The following ERICH3 variants were observed in gnomAD, a reference collection of about 807,000 sequenced individuals.
ERICH3 encodes glutamate-rich protein 3.
In ERICH3, 126 loss-of-function variants were observed where a neutral mutation model predicts 131.1. That is an observed-to-expected ratio of 0.96 (90% confidence interval 0.83 to 1.11). ERICH3 has a LOEUF of 1.11. Ranked by LOEUF, ERICH3 falls within the 50% of genes most tolerant of loss-of-function variation. The pLI, the probability that ERICH3 is intolerant of heterozygous loss-of-function variation, is 0.00. For missense variants in ERICH3, 2,050 were observed against 1,810.7 expected (o/e 1.13, Z -2.40); for synonymous variants, 695 against 644.6 (o/e 1.08, Z -1.18).
At chr1:74,663,550 G>A (rs1344339641) in intron 1 of ERICH3, among the ~76,000 whole-genome samples, 1 of 149,794 alleles carries the variant, frequency 6.7e-6, no homozygotes, top group Non-Finnish European at 1.5e-5. Context: ...CATTGCTGCA[G>A]TTATGGTCCA....
rs545646275 is a variant in ERICH3 at position 74,573,025 on chromosome 1, C to G, written c.2685G>C (p.Gly895=). The G allele has an allele frequency of 6.9e-5, 111 of 1,614,152 alleles. No homozygotes were observed. The East Asian group carries it at 1.2e-3, about 18-fold the overall frequency. ...VLETDKAASE[G]EQGLEKAVLA... is the part of the protein sequence containing the mutation. The stretch of plus-strand genomic sequence containing the variant: ...GCACTGCCTTCTCTAAACCCTGTTC[C>G]CCTTCAGAAGCTGCTTTGTCTGTCT... The change falls in exon 14 of 15, where the codon GGG becomes GGC. Residue 895 remains glycine (G), a synonymous_variant. Transcript: ENST00000326665.
At chr1:74,574,755 C>T (rs1376463944) in intron 13 of ERICH3, among the ~76,000 whole-genome samples, 1 of 151,962 alleles carries the variant, frequency 6.6e-6, no homozygotes, top group African/African-American at 2.4e-5. Flanking sequence ...GATTTTTTTA[C>T]TATTAAATAA....
intron 1 of ERICH3, among the ~76,000 whole-genome samples, chr1:74,657,007 T>C (rs1338377828): frequency 6.6e-6 from 1 of 152,186 alleles, no homozygotes; most frequent in Non-Finnish European, 1.5e-5. Context: ...GTTGAGTAAG[T>C]GTACAAATCA....
chr1:74,610,538 T>C (rs958067961), intron 9 of ERICH3, among the ~76,000 whole-genome samples: 9 of 151,462 alleles, frequency 5.9e-5, no homozygotes, highest in Admixed American at 4.0e-4. Context: ...CTTTATGTCA[T>C]ACTTCATGTT....
At chr1:74,586,264 A>G in intron 12 of ERICH3, 1 of 462,652 alleles carries the variant, frequency 2.2e-6, no homozygotes, top group Non-Finnish European at 2.8e-6. Flanking sequence ...GTTAAGTGAA[A>G]AAAGCAAGTC....
At position 74,668,361 on chromosome 1, in the gene ERICH3, A is replaced by C. The variant is rs964222455; in HGVS notation, c.23+5136T>G. On this transcript the variant is annotated intron_variant, in intron 1 of 14. Coordinates refer to ENST00000326665, the MANE Select transcript of ERICH3 (RefSeq NM_001002912.5). ...ATTAGGTAGTGCTTTGAGCTTAGAA[A>C]AACATCTGAGAAACAGACAATTTGA... is the stretch of plus-strand genomic sequence containing the variant. Among the ~76,000 whole-genome samples the C allele has an allele frequency of 3.9e-5, 6 of 152,324 alleles. No homozygotes were observed. The South Asian group carries it at 8.3e-4, about 21-fold the overall frequency.
intron 6 of ERICH3, among the ~76,000 whole-genome samples, chr1:74,632,798 C>G (rs1341682280): frequency 1.3e-5 from 2 of 151,808 alleles, no homozygotes; most frequent in African/African-American, 4.8e-5. Flanking sequence ...ATAAGAATGA[C>G]TGAAAAAACT....
intron 12 of ERICH3, among the ~76,000 whole-genome samples, chr1:74,587,377 C>T (rs186032356): frequency 3.3e-5 from 5 of 150,976 alleles, no homozygotes; most frequent in East Asian, 1.9e-4. Context: ...AGTCCCAAAC[C>T]TTGCCATCTT....
intron 11 of ERICH3, chr1:74,592,165 C>A (rs908354198): frequency 6.6e-6 from 1 of 152,172 alleles, no homozygotes; most frequent in Non-Finnish European, 1.5e-5. Flanking sequence ...CCCCTGAAGT[C>A]TAATTCCATT....
chr1:74,611,476 A>G (rs1648691770), intron 9 of ERICH3, among the ~76,000 whole-genome samples: 1 of 152,082 alleles, frequency 6.6e-6, no homozygotes, highest in Non-Finnish European at 1.5e-5. Flanking sequence ...TTTTCCCATA[A>G]GAGTTACTAT....
chr1:74,629,841 T>C (rs1338057453), intron 7 of ERICH3, among the ~76,000 whole-genome samples: 1 of 152,144 alleles, frequency 6.6e-6, no homozygotes, highest in Non-Finnish European at 1.5e-5. Flanking sequence ...GTTTTATGCA[T>C]ATAAGCGATA....
intron 11 of ERICH3, among the ~76,000 whole-genome samples, chr1:74,590,549 A>G (rs1399982392): frequency 6.6e-6 from 1 of 152,188 alleles, no homozygotes. Flanking sequence ...GCAGCTCACA[A>G]TAGGGTTTCT....
At chr1:74,634,707 G>T in intron 6 of ERICH3, 1 of 709,728 alleles carries the variant, frequency 1.4e-6, no homozygotes, top group Non-Finnish European at 2.6e-6. Context: ...CTATCTAGGG[G>T]AGAGGAAATC....
rs777345775 is a variant in ERICH3, at chr1:74,571,954, T to C, written c.3756A>G (p.Ala1252=). The change falls in exon 14 of 15, where the codon GCA becomes GCG. Residue 1252 remains alanine (A), a synonymous_variant. Coordinates refer to ENST00000326665, the MANE Select transcript of ERICH3 (RefSeq NM_001002912.5). ...ELAAKDHDSC[A]GLEGRAEGQG... ...GCCCTTCAGCTCTCCCCTCCAGTCC[T>C]GCGCAGGAGTCGTGATCTTTGGCTG... 5 of 1,613,790 alleles carry C rather than the reference T, an allele frequency of 3.1e-6. No homozygotes were observed. Among genetic ancestry groups the C allele is most frequent in the Admixed American group, 3.3e-5 (2 of 60,018 alleles).
At chr1:74,602,710 G>A (rs1020275506) in intron 10 of ERICH3, among the ~76,000 whole-genome samples, 5 of 151,776 alleles carry the variant, frequency 3.3e-5, no homozygotes, top group African/African-American at 7.3e-5. Context: ...GGTATCATGA[G>A]TATAAAGTAC....
At chr1:74,630,976 G>T (rs1276477052) in intron 7 of ERICH3, among the ~76,000 whole-genome samples, 4 of 152,032 alleles carry the variant, frequency 2.6e-5, no homozygotes, top group African/African-American at 9.7e-5. Flanking sequence ...ACAGCTGCTG[G>T]GAGTGAGATG....
chr1:74,657,622 T>C (rs1020245512), intron 1 of ERICH3, among the ~76,000 whole-genome samples: 5 of 152,178 alleles, frequency 3.3e-5, no homozygotes, highest in Non-Finnish European at 5.9e-5. Flanking sequence ...ATAATATTAT[T>C]TTATTTATAG....
intron 5 of ERICH3, among the ~76,000 whole-genome samples, chr1:74,637,626 G>T (rs1250073740): frequency 6.6e-6 from 1 of 152,108 alleles, no homozygotes; most frequent in African/African-American, 2.4e-5. Flanking sequence ...TTAGTATAAA[G>T]ATTAGCAATG....
chr1:74,590,945 C>A (rs114846271), intron 11 of ERICH3, among the ~76,000 whole-genome samples: 181 of 152,224 alleles, frequency 1.2e-3, no homozygotes, highest in Admixed American at 5.1e-3. Context: ...AATGAATAAT[C>A]CTTTGTCTCT....
Sources: allele counts gnomAD v4.1 joint callset (sites outside exome capture counted in the v4.1 genomes callset), GRCh38; gene constraint gnomAD v4.1.1; transcripts MANE v1.5; gene names NCBI Gene and HGNC (gene_info 2026-07-23, HGNC 2026-07-21).